Variants in CADM2 observed in about 807,000 individuals in gnomAD.
The protein encoded by CADM2 is cell adhesion molecule 2.
CADM2 carries 12 observed loss-of-function variants against 49.8 expected under a neutral mutation model. That is an observed-to-expected ratio of 0.24 (90% confidence interval 0.15 to 0.39). The LOEUF is 0.39. CADM2 is among the 10% of genes least tolerant of loss of function. The pLI is 1.00. For synonymous variants in CADM2, 214 were observed against 175.4 expected, an observed-to-expected ratio of 1.22 and a Z score of -1.74; for missense variants, 378 against 492.3, an observed-to-expected ratio of 0.77 and a Z score of 2.20.
chr3:85,632,384 G>T (rs1245915055), intron 1 of CADM2, among the ~76,000 whole-genome samples: 1 of 152,048 alleles, frequency 6.6e-6, no homozygotes, highest in Non-Finnish European at 1.5e-5. Context: ...TATCAGCAGT[G>T]TGAAAACAGA....
intron 1 of CADM2, among the ~76,000 whole-genome samples, chr3:85,140,957 C>T: frequency 6.6e-6 from 1 of 152,130 alleles, no homozygotes; most frequent in East Asian, 1.9e-4. Context: ...CTGCTGAAAC[C>T]AACCTACACA....
At chr3:85,375,315 G>T (rs2033525899) in intron 1 of CADM2, among the ~76,000 whole-genome samples, 1 of 152,098 alleles carries the variant, frequency 6.6e-6, no homozygotes, top group Non-Finnish European at 1.5e-5. Flanking sequence ...TCTTTCCACT[G>T]CACAATTTCA....
At chr3:85,831,455 G>T (rs1165892811) in intron 3 of CADM2, among the ~76,000 whole-genome samples, 4 of 151,920 alleles carry the variant, frequency 2.6e-5, no homozygotes, top group Non-Finnish European at 4.4e-5. Context: ...CAAACAGTTT[G>T]TAACGGTTCC....
At chr3:86,054,852 C>A (rs1451508850) in intron 8 of CADM2, among the ~76,000 whole-genome samples, 71 of 151,922 alleles carry the variant, frequency 4.7e-4, no homozygotes, top group Non-Finnish European at 1.0e-4. Context: ...GAATACATTG[C>A]CAAAATGGAT....
chr3:85,990,013 CAAAAAAAAAAAAAAAAAAAA>C (rs58178176), intron 8 of CADM2, among the ~76,000 whole-genome samples: 10 of 9,630 alleles, frequency 1.0e-3, no homozygotes, highest in Admixed American at 6.2e-3. Flanking sequence ...ACTCCATGTC[CAAAAAAAAAAAAAAAAAAAA>C]AAAAAAAAAA....
At chr3:85,307,358 C>T (rs2044238853) in intron 1 of CADM2, among the ~76,000 whole-genome samples, 1 of 151,556 alleles carries the variant, frequency 6.6e-6, no homozygotes, top group Admixed American at 6.6e-5. Context: ...TATACTTGGC[C>T]TGATGAAAGA....
At chr3:86,062,450 C>G (rs1243097848) in intron 8 of CADM2, among the ~76,000 whole-genome samples, 2 of 151,898 alleles carry the variant, frequency 1.3e-5, no homozygotes, top group Non-Finnish European at 1.5e-5. Context: ...GCTTCCCCCA[C>G]CCCCTCACCC....
intron 8 of CADM2, among the ~76,000 whole-genome samples, chr3:86,061,982 A>G (rs905411087): frequency 4.3e-5 from 4 of 93,462 alleles, no homozygotes; most frequent in Admixed American, 1.3e-4. Flanking sequence ...GGTGCTGTTG[A>G]TGGTGGGGGG....
At chr3:84,983,301 A>T (rs1360532530) in intron 1 of CADM2, among the ~76,000 whole-genome samples, 1 of 151,888 alleles carries the variant, frequency 6.6e-6, no homozygotes, top group Non-Finnish European at 1.5e-5. Context: ...TGTTATGCTA[A>T]AAATAAATCC....
chr3:85,707,540 A>G (rs2066989474), intron 1 of CADM2, among the ~76,000 whole-genome samples: 1 of 151,902 alleles, frequency 6.6e-6, no homozygotes, highest in South Asian at 2.1e-4. Context: ...TTTTTCTTAA[A>G]CAGAATAGTA....
chr3:85,027,323 C>G (rs1456841899), intron 1 of CADM2, among the ~76,000 whole-genome samples: 1 of 151,610 alleles, frequency 6.6e-6, no homozygotes, highest in Non-Finnish European at 1.5e-5. Flanking sequence ...ACCGTGTTAG[C>G]CAGGATGGTC....
chr3:85,802,121 G>A lies in CADM2; in HGVS notation c.163G>A (p.Val55Ile), dbSNP rs1389006925. 2.5e-6 allele frequency: 4 copies of A among 1,613,438 alleles called. No individual in the cohort carries two copies. Among genetic ancestry groups the A allele is most frequent in the Non-Finnish European group, 3.4e-6 (4 of 1,179,638 alleles). Residue 55 changes from valine to isoleucine, a missense_variant, in exon 3 of 10, where the codon GTT becomes ATT. Physicochemically the swap from Val to Ile is conservative, Grantham distance 29. Coordinates refer to ENST00000383699, the MANE Select transcript of CADM2 (RefSeq NM_001167675.2). ...TGGAACTGCAATTTTGACCTGCAGG[G>A]TTGATCAAAATGATAACACCTCCCT... ...EGGTAILTCRVDQNDNTSLQW... is the reference protein window; with the variant it reads ...EGGTAILTCRIDQNDNTSLQW...
intron 1 of CADM2, among the ~76,000 whole-genome samples, chr3:84,974,926 G>A (rs550263482): frequency 2.0e-4 from 30 of 151,870 alleles, no homozygotes; most frequent in Admixed American, 5.2e-4. Context: ...TAACATTTTT[G>A]TACAGTTTGG....
chr3:85,416,637 C>G (rs2035934033), intron 1 of CADM2, among the ~76,000 whole-genome samples: 1 of 151,910 alleles, frequency 6.6e-6, no homozygotes, highest in Admixed American at 6.6e-5. Context: ...TTACAGCAAC[C>G]AAGATAAATT....
chr3:85,916,472 T>A (rs1222809737), intron 6 of CADM2, among the ~76,000 whole-genome samples: 2 of 151,984 alleles, frequency 1.3e-5, no homozygotes, highest in African/African-American at 4.8e-5. Flanking sequence ...GTTTCCAGCT[T>A]CATCCATGTC....
intron 1 of CADM2, among the ~76,000 whole-genome samples, chr3:85,676,342 A>G (rs1170883690): frequency 6.6e-6 from 1 of 152,226 alleles, no homozygotes; most frequent in Non-Finnish European, 1.5e-5. Flanking sequence ...GGCATAAAAT[A>G]TCTGCCTTGC....
chr3:85,890,335 CTCAG>C (rs555766090), intron 5 of CADM2, among the ~76,000 whole-genome samples: 29 of 152,250 alleles, frequency 1.9e-4, no homozygotes, highest in Non-Finnish European at 2.1e-4. Flanking sequence ...TTGTCTCTCA[CTCAG>C]TCAATCTACA....
intron 1 of CADM2, among the ~76,000 whole-genome samples, chr3:85,302,682 G>A (rs1215548364): frequency 6.6e-6 from 1 of 151,894 alleles, no homozygotes; most frequent in East Asian, 1.9e-4. Flanking sequence ...ACATACATAT[G>A]CGGCCATGTT....
intron 1 of CADM2, among the ~76,000 whole-genome samples, chr3:85,592,245 G>T (rs990901035): frequency 3.3e-5 from 5 of 151,770 alleles, no homozygotes; most frequent in Non-Finnish European, 7.4e-5. Flanking sequence ...AGAAATAACA[G>T]GTTTTTAATG....
Sources: allele counts gnomAD v4.1 joint callset (sites outside exome capture counted in the v4.1 genomes callset), GRCh38; gene constraint gnomAD v4.1.1; transcripts MANE v1.5; gene names NCBI Gene and HGNC (gene_info 2026-07-23, HGNC 2026-07-21).